Variants in AKAP6 observed in about 807,000 individuals in gnomAD.
AKAP6 encodes the protein A-kinase anchor protein 6.
AKAP6 carries 58 observed loss-of-function variants against 188.5 expected under a neutral mutation model. The ratio of observed to expected loss-of-function variants is 0.31; its 90% CI spans 0.25 to 0.38. AKAP6 has a LOEUF of 0.38. Among genes scored for constraint, AKAP6 ranks in the 10% least tolerant of loss-of-function variants. The probability of loss-of-function intolerance (pLI) is 1.00; values close to 1 mark genes in which losing one functional copy is unlikely to be tolerated. For synonymous variants in AKAP6, 989 were observed against 998.6 expected (o/e 0.99, Z 0.18); for missense variants, 2,710 against 2,740.0 (o/e 0.99, Z 0.24).
At position 32,833,559 on chromosome 14, in the gene AKAP6, T is replaced by C. The variant is rs2034843127; in HGVS notation, c.*3754T>C. Reference sequence around the variant, plus strand: ...CACAGAACAACCTAAATTTAGGGCTTCTGGAAACCTGAGTTTGATGACTTT... The same window carrying C: ...CACAGAACAACCTAAATTTAGGGCTCCTGGAAACCTGAGTTTGATGACTTT... On this transcript the variant is annotated 3_prime_UTR_variant, in exon 14 of 14. Transcript: ENST00000280979. 1 of 152,218 alleles carries C rather than the reference T, an allele frequency of 6.6e-6. No homozygotes were observed. Among genetic ancestry groups the C allele is most frequent in the Non-Finnish European group, 1.5e-5 (1 of 68,034 alleles). 9.4% of individuals were successfully genotyped at this position (152,218 alleles called of 1,614,324 possible). A position where few individuals can be genotyped will look rare whatever the true frequency, so the allele number is the denominator to read the frequency against.
Position 32,697,325 on chromosome 14 carries a change from G to A in AKAP6, c.3000+1215G>A, listed in dbSNP as rs113956994. Among the ~76,000 whole-genome samples, 846 of 152,274 alleles carry A rather than the reference G, an allele frequency of 5.6e-3. 5 individuals are homozygous for A. Among genetic ancestry groups the A allele is most frequent in the Middle Eastern group, 0.041 (12 of 294 alleles). On this transcript the variant is annotated intron_variant, in intron 9 of 13. Transcript: ENST00000280979. ...GACATTTTATTCTCTAAAGAATGCA[G>A]TCCAACCTTAATTGAGTTTGTTGAC...
chr14:32,522,169 C>T (rs1259165327), intron 2 of AKAP6, among the ~76,000 whole-genome samples: 1 of 151,238 alleles, frequency 6.6e-6, no homozygotes, highest in Non-Finnish European at 1.5e-5. Context: ...CTTCCTTACA[C>T]CTTATACAAA....
chr14:32,332,838 T>C (rs1371467160), intron 1 of AKAP6, among the ~76,000 whole-genome samples: 1 of 152,124 alleles, frequency 6.6e-6, no homozygotes, highest in Admixed American at 6.5e-5. Context: ...TCTGTCTATC[T>C]CTGACAAAGT....
Position 32,829,993 on chromosome 14 carries a change from T to C in AKAP6, c.*188T>C, listed in dbSNP as rs1394862041. 1 of 702,552 alleles carries C rather than the reference T, an allele frequency of 1.4e-6. No individual in the cohort carries two copies. Among genetic ancestry groups the C allele is most frequent in the Admixed American group, 2.0e-5 (1 of 50,004 alleles). 43.5% of individuals were successfully genotyped at this position (702,552 alleles called of 1,614,324 possible). On this transcript the variant is annotated 3_prime_UTR_variant, in exon 14 of 14. Transcript: ENST00000280979. ...AAATGTGTTTTCTCCACACAAGCCT[T>C]GTGATCTGAATGTGTGCGCTGGTTC... is the stretch of plus-strand genomic sequence containing the variant.
intron 3 of AKAP6, among the ~76,000 whole-genome samples, chr14:32,543,202 G>A (rs866141802): frequency 2.0e-5 from 3 of 152,158 alleles, no homozygotes; most frequent in Non-Finnish European, 4.4e-5. Context: ...ATTCCCACCC[G>A]CTACCTTTCC....
At chr14:32,558,383 C>T (rs1330873070) in intron 4 of AKAP6, among the ~76,000 whole-genome samples, 1 of 152,072 alleles carries the variant, frequency 6.6e-6, no homozygotes, top group Non-Finnish European at 1.5e-5. Flanking sequence ...TTGGTAAGTG[C>T]CAAGGGAAAA....
chr14:32,626,266 T>G (rs148258714), intron 7 of AKAP6, among the ~76,000 whole-genome samples: 329 of 152,254 alleles, frequency 2.2e-3, no homozygotes, highest in Non-Finnish European at 3.9e-3. Flanking sequence ...ATCTTAATGT[T>G]GGCATTGTCT....
chr14:32,732,090 G>A (rs1594891151), intron 9 of AKAP6, among the ~76,000 whole-genome samples: 1 of 151,896 alleles, frequency 6.6e-6, no homozygotes, highest in African/African-American at 2.4e-5. Flanking sequence ...TCCTTTAGGG[G>A]AAGAGATGAG....
intron 7 of AKAP6, among the ~76,000 whole-genome samples, chr14:32,633,812 G>C (rs920852476): frequency 5.9e-5 from 9 of 152,024 alleles, no homozygotes; most frequent in Non-Finnish European, 1.0e-4. Context: ...ATAACCAAAG[G>C]CTTGACCATG....
intron 4 of AKAP6, among the ~76,000 whole-genome samples, chr14:32,574,089 A>G (rs1002000680): frequency 1.3e-5 from 2 of 152,210 alleles, no homozygotes; most frequent in African/African-American, 2.4e-5. Context: ...GAGGCTACAC[A>G]TAGAAGCAGG....
chr14:32,546,143 AG>A lies in AKAP6; in HGVS notation c.1491del (p.Lys497AsnfsTer45). ...DCYKEKSRLK[K>X]PHKTSEEVPP... ...TATAAAGAGAAATCTCGACTTAAAA[AG>A]CCACACAAGACCTCAGAAGAGGTGC... On this transcript the variant is annotated frameshift_variant, in exon 4 of 14. Transcript: ENST00000280979. LOFTEE classifies it high-confidence loss of function. The A allele has an allele frequency of 6.2e-7, 1 of 1,613,892 alleles. No individual in the cohort carries two copies. The highest frequency in any genetic ancestry group is 8.5e-7 in the Non-Finnish European group (1 of 1,179,962).
chr14:32,689,873 C>G (rs71419924), intron 8 of AKAP6, among the ~76,000 whole-genome samples: 2 of 151,834 alleles, frequency 1.3e-5, no homozygotes, highest in African/African-American at 4.8e-5. Flanking sequence ...GCAAACTTTC[C>G]TAGGCAAATA....
chr14:32,643,312 T>A (rs1034990553), intron 7 of AKAP6, among the ~76,000 whole-genome samples: 2 of 152,074 alleles, frequency 1.3e-5, no homozygotes, highest in African/African-American at 4.8e-5. Context: ...ATTCTTTTCT[T>A]TTCTTTTTTT....
At chr14:32,825,724 TGA>T (rs1356150913) in intron 13 of AKAP6, among the ~76,000 whole-genome samples, 1 of 152,184 alleles carries the variant, frequency 6.6e-6, no homozygotes, top group African/African-American at 2.4e-5. Context: ...CTTTCAAATG[TGA>T]GAGTCATATT....
At chr14:32,502,103 G>A (rs904603248) in intron 2 of AKAP6, among the ~76,000 whole-genome samples, 4 of 152,034 alleles carry the variant, frequency 2.6e-5, no homozygotes, top group African/African-American at 4.8e-5. Context: ...TTCAATCAAT[G>A]TATAAATTGT....
At chr14:32,359,990 C>T (rs897441870) in intron 1 of AKAP6, among the ~76,000 whole-genome samples, 1 of 152,156 alleles carries the variant, frequency 6.6e-6, no homozygotes, top group African/African-American at 2.4e-5. Context: ...TTCAGTCACA[C>T]TCAAGGGAAG....
intron 11 of AKAP6, among the ~76,000 whole-genome samples, chr14:32,741,779 G>C (rs955582479): frequency 4.8e-5 from 7 of 145,558 alleles, no homozygotes; most frequent in African/African-American, 1.8e-4. Flanking sequence ...TTTTGTTGAG[G>C]GTTTTTGCAT....
intron 1 of AKAP6, chr14:32,417,686 A>T (rs894767957): frequency 3.9e-5 from 6 of 152,210 alleles, no homozygotes; most frequent in Non-Finnish European, 5.9e-5. Context: ...CTGCCTTCTT[A>T]TAAATCTAAG....
intron 11 of AKAP6, among the ~76,000 whole-genome samples, chr14:32,738,494 A>G (rs548435240): frequency 5.3e-5 from 8 of 152,288 alleles, no homozygotes; most frequent in Non-Finnish European, 1.0e-4. Context: ...CTGCTTTAAT[A>G]ATTTAAATTT....
Sources: gnomAD v4.1 joint callset for allele counts (sites outside exome capture counted in the v4.1 genomes callset) on GRCh38, gnomAD v4.1.1 for gene constraint, MANE v1.5 for transcripts, NCBI Gene and HGNC (gene_info 2026-07-23, HGNC 2026-07-21) for gene names.